Variants in CFH observed in about 807,000 individuals in gnomAD.
CFH encodes complement factor H.
Under a neutral mutation model 147.3 loss-of-function variants are expected in CFH, and 53 were observed. The ratio of observed to expected loss-of-function variants is 0.36; its 90% CI spans 0.29 to 0.45. The LOEUF (loss-of-function observed/expected upper bound fraction) is 0.45. Among genes scored for constraint, CFH ranks in the 20% least tolerant of loss-of-function variants. The pLI, the probability that CFH is intolerant of heterozygous loss-of-function variation, is 1.00. For missense variants in CFH, 1,380 were observed against 1,498.0 expected, an observed-to-expected ratio of 0.92 and a Z score of 1.30; for synonymous variants, 536 against 489.4, an observed-to-expected ratio of 1.10 and a Z score of -1.26.
In CFH at chr1:196,672,966, T is replaced by C; in HGVS notation, c.59-12T>C. Reference sequence around the variant, plus strand: ...ACACTTTATGCACTTATTTTGTTTTTATTGTTTGTAGATTGCAATGAACTT... The same window carrying C: ...ACACTTTATGCACTTATTTTGTTTTCATTGTTTGTAGATTGCAATGAACTT... On this transcript the variant is annotated splice_polypyrimidine_tract_variant and intron_variant, in intron 1 of 21. Coordinates refer to ENST00000367429, the MANE Select transcript of CFH (RefSeq NM_000186.4). 1.2e-6 allele frequency: 2 copies of C among 1,612,094 alleles called. No homozygotes were observed. Among genetic ancestry groups the C allele is most frequent in the Non-Finnish European group, 1.7e-6 (2 of 1,178,438 alleles).
At chr1:196,735,210 G>T (rs1476763711) in intron 15 of CFH, among the ~76,000 whole-genome samples, 1 of 151,982 alleles carries the variant, frequency 6.6e-6, no homozygotes, top group African/African-American at 2.4e-5. Flanking sequence ...TAATTATATG[G>T]AAGTTTATTG....
intron 9 of CFH, among the ~76,000 whole-genome samples, chr1:196,711,632 T>TA (rs977912502): frequency 3.9e-5 from 6 of 152,044 alleles, no homozygotes; most frequent in African/African-American, 1.4e-4. Flanking sequence ...TTTAAGCTTT[T>TA]AAAAAGCTTA....
chr1:196,692,801 TC>T (rs1414302710), intron 9 of CFH, among the ~76,000 whole-genome samples: 2,904 of 88,208 alleles, frequency 0.033, 192 homozygotes, highest in East Asian at 0.075. Context: ...TTTCTTTCTT[TC>T]TTTCTTTCTT....
At chr1:196,721,445 T>G (rs1288733203) in intron 11 of CFH, among the ~76,000 whole-genome samples, 1 of 152,058 alleles carries the variant, frequency 6.6e-6, no homozygotes, top group Admixed American at 6.6e-5. Flanking sequence ...TTTAAAATTT[T>G]GGGAACTTGC....
At chr1:196,701,674 A>G (rs191329748) in intron 9 of CFH, 3 of 288,896 alleles carry the variant, frequency 1.0e-5, no homozygotes, top group Non-Finnish European at 1.3e-5. Flanking sequence ...CTTTGAGGGC[A>G]TTTACTCACT....
intron 3 of CFH, among the ~76,000 whole-genome samples, chr1:196,674,644 A>G (rs1469618075): frequency 6.6e-6 from 1 of 152,210 alleles, no homozygotes; most frequent in Non-Finnish European, 1.5e-5. Context: ...TATACTTCAT[A>G]AATATAAATG....
At chr1:196,665,477 G>T (rs959498567) in intron 1 of CFH, among the ~76,000 whole-genome samples, 6 of 151,688 alleles carry the variant, frequency 4.0e-5, no homozygotes, top group Non-Finnish European at 8.8e-5. Context: ...AAACATATAT[G>T]TATTTATTTT....
chr1:196,676,363 G>C (rs1024702701), intron 4 of CFH, among the ~76,000 whole-genome samples: 1 of 151,936 alleles, frequency 6.6e-6, no homozygotes, highest in Non-Finnish European at 1.5e-5. Context: ...AGCATCATTA[G>C]CTAAATAAAG....
At chr1:196,720,228 T>C (rs1218990500) in intron 11 of CFH, among the ~76,000 whole-genome samples, 1 of 152,012 alleles carries the variant, frequency 6.6e-6, no homozygotes, top group African/African-American at 2.4e-5. Flanking sequence ...TAAATTTAAC[T>C]TCTTAAGATA....
At chr1:196,685,043 A>T (rs759235964) in intron 6 of CFH, 21 bp from the exon 7 acceptor site, 2 of 1,543,408 alleles carry the variant, frequency 1.3e-6, no homozygotes, top group South Asian at 2.2e-5. Context: ...TGCATTATCC[A>T]TATATCCTTT....
intron 9 of CFH, among the ~76,000 whole-genome samples, chr1:196,713,170 T>C (rs1388748013): frequency 2.6e-5 from 4 of 152,162 alleles, no homozygotes; most frequent in Non-Finnish European, 2.9e-5. Context: ...ATTTGAGGAA[T>C]CATCATTTTG....
At chr1:196,680,388 G>C (rs924846859) in intron 6 of CFH, among the ~76,000 whole-genome samples, 1 of 150,838 alleles carries the variant, frequency 6.6e-6, no homozygotes, top group East Asian at 1.9e-4. Context: ...TCTCAACTGT[G>C]CTCTTTGCCC....
intron 1 of CFH, among the ~76,000 whole-genome samples, chr1:196,660,632 A>C (rs1666866934): frequency 6.6e-6 from 1 of 152,236 alleles, no homozygotes; most frequent in African/African-American, 2.4e-5. Flanking sequence ...TTTTCTTACA[A>C]GCAGAATCAA....
Position 196,727,706 on chromosome 1 carries a change from G to A in CFH, c.2237-640G>A, listed in dbSNP as rs35626603. On this transcript the variant is annotated intron_variant, in intron 14 of 21. Coordinates refer to ENST00000367429, the MANE Select transcript of CFH (RefSeq NM_000186.4). ...TTTCTCTCTTAAAGCTTCCAAAAGT[G>A]ATAATTTTTCAGTTTGTTCCATATC... Among the ~76,000 whole-genome samples the A allele has an allele frequency of 4.4e-3, 669 of 152,220 alleles. 4 individuals carry two copies. Among genetic ancestry groups the A allele is most frequent in the African/African-American group, 0.016 (654 of 41,550 alleles).
intron 11 of CFH, among the ~76,000 whole-genome samples, chr1:196,723,502 C>T (rs1669052441): frequency 2.0e-5 from 3 of 152,108 alleles, no homozygotes; most frequent in Non-Finnish European, 2.9e-5. Context: ...CAGCATTTTG[C>T]ACTGGGCTGT....
At chr1:196,696,667 A>G (rs1030038376) in intron 9 of CFH, among the ~76,000 whole-genome samples, 11 of 152,234 alleles carry the variant, frequency 7.2e-5, no homozygotes, top group African/African-American at 2.7e-4. Context: ...TAAAGTTTAT[A>G]TGGAACCAAG....
At chr1:196,741,818 T>C in intron 18 of CFH, 57 bp from the exon 19 acceptor site, 1 of 1,491,448 alleles carries the variant, frequency 6.7e-7, no homozygotes, top group Non-Finnish European at 9.4e-7. Context: ...TTACATGTAT[T>C]GTATGTAACC....
intron 1 of CFH, among the ~76,000 whole-genome samples, chr1:196,665,120 A>C (rs1363974435): frequency 2.0e-5 from 3 of 151,774 alleles, no homozygotes; most frequent in African/African-American, 7.2e-5. Flanking sequence ...GTTCTTAAGT[A>C]AATGATCTAT....
chr1:196,743,305 C>A, intron 19 of CFH, 147 bp from the exon 20 acceptor site: 1 of 1,265,240 alleles, frequency 7.9e-7, no homozygotes, highest in Non-Finnish European at 1.1e-6. Context: ...CTCAATATTA[C>A]ATTTAAATTT....
Sources: allele counts gnomAD v4.1 joint callset (sites outside exome capture counted in the v4.1 genomes callset), GRCh38; gene constraint gnomAD v4.1.1; transcripts MANE v1.5; gene names NCBI Gene and HGNC (gene_info 2026-07-23, HGNC 2026-07-21).